The following MYO5B variants were observed in gnomAD, a reference collection of about 807,000 sequenced individuals.
MYO5B encodes unconventional myosin-Vb.
A neutral mutation model predicts 229.3 loss-of-function variants in MYO5B; 143 were observed. That is an observed-to-expected ratio of 0.62 (90% CI 0.54 to 0.72). The LOEUF (loss-of-function observed/expected upper bound fraction) is 0.72, where lower values mean the gene tolerates loss of function less well. Among genes scored for constraint, MYO5B ranks in the 30% least tolerant of loss-of-function variants. The pLI, the probability that MYO5B is intolerant of heterozygous loss-of-function variation, is 0.00. For synonymous variants in MYO5B, 918 were observed against 885.2 expected (o/e 1.04, Z -0.66); for missense variants, 2,321 against 2,331.0 (o/e 1.00, Z 0.09).
intron 2 of MYO5B, among the ~76,000 whole-genome samples, chr18:50,043,277 TTTATA>T (rs1180899575): frequency 3.0e-5 from 3 of 100,066 alleles, no homozygotes; most frequent in African/African-American, 7.6e-5. Context: ...TATAAATATA[TTTATA>T]TTTATATATT....
chr18:50,052,843 G>T (rs544297281), intron 2 of MYO5B, among the ~76,000 whole-genome samples: 1 of 152,268 alleles, frequency 6.6e-6, no homozygotes, highest in African/African-American at 2.4e-5. Flanking sequence ...TTCAAGAGGG[G>T]ACAAGTTAGC....
intron 1 of MYO5B, chr18:50,097,328 G>A: frequency 6.6e-6 from 3 of 455,144 alleles, no homozygotes; most frequent in South Asian, 1.6e-5. Flanking sequence ...CACAGTGAAG[G>A]CAGACACCCT....
chr18:49,863,156 C>A, intron 29 of MYO5B, 71 bp downstream of exon 29: 1 of 1,220,180 alleles, frequency 8.2e-7, no homozygotes, highest in Non-Finnish European at 1.2e-6. Context: ...GAGGAAAACC[C>A]CAAACAGACT....
intron 1 of MYO5B, among the ~76,000 whole-genome samples, chr18:50,137,871 AT>A (rs1398985787): frequency 6.8e-6 from 1 of 146,938 alleles, no homozygotes; most frequent in Non-Finnish European, 1.5e-5. Flanking sequence ...GGCAAAAAAA[AT>A]GCAGGAACAG....
chr18:49,841,377 G>A lies in MYO5B; in HGVS notation c.4689C>T (p.Tyr1563=), dbSNP rs539906635. The change falls in exon 35 of 40, where the codon TAC becomes TAT. Residue 1563 remains tyrosine (Y), a synonymous_variant. Coordinates refer to ENST00000285039, the MANE Select transcript of MYO5B (RefSeq NM_001080467.3). The stretch of plus-strand genomic sequence containing the variant: ...GCTCCCCACTCACCTCATCCCCGCT[G>A]TACTGCTTCAGACAGTGAAGAAGGC... ...TCRLLHCLKQ[Y]SGDEGFMTQN... The A allele has an allele frequency of 1.2e-5, 20 of 1,614,178 alleles. No individual in the cohort carries two copies. The highest frequency in any genetic ancestry group is 3.3e-5 in the Admixed American group (2 of 60,024).
chr18:50,022,563 A>G (rs1434824907), intron 4 of MYO5B, among the ~76,000 whole-genome samples: 4 of 152,224 alleles, frequency 2.6e-5, no homozygotes, highest in Non-Finnish European at 5.9e-5. Flanking sequence ...TCTGACGATC[A>G]AAACAGGATT....
intron 22 of MYO5B, among the ~76,000 whole-genome samples, chr18:49,892,630 T>C (rs978053318): frequency 2.0e-5 from 3 of 152,176 alleles, no homozygotes; most frequent in East Asian, 1.9e-4. Context: ...TTTATTGAAA[T>C]TGACACAGTG....
In MYO5B at chr18:50,036,945, T is replaced by C; in HGVS notation, c.360A>G (p.Gly120=). The C allele has an allele frequency of 6.2e-7, 1 of 1,614,114 alleles. No homozygotes were observed. Among genetic ancestry groups the C allele is most frequent in the East Asian group, 2.2e-5 (1 of 44,888 alleles). Reference sequence around the variant, plus strand: ...CACTGTAGGTATAGATGACATCTTGTCCATAGATTGGCAACTGTTCATAAG... The same window carrying C: ...CACTGTAGGTATAGATGACATCTTGCCCATAGATTGGCAACTGTTCATAAG... The part of the protein sequence containing the change: ...INPYEQLPIY[G]QDVIYTYSGQ... The change falls in exon 4 of 40, where the codon GGA becomes GGG. Residue 120 remains glycine, a synonymous_variant. Transcript: ENST00000285039.
intron 1 of MYO5B, among the ~76,000 whole-genome samples, chr18:50,088,797 A>T (rs1490173740): frequency 1.3e-5 from 2 of 152,186 alleles, no homozygotes; most frequent in African/African-American, 4.8e-5. Context: ...ATTGTTTTGC[A>T]TATCTATCTT....
intron 10 of MYO5B, among the ~76,000 whole-genome samples, chr18:49,966,315 G>A (rs2025625065): frequency 6.6e-6 from 1 of 152,136 alleles, no homozygotes. Context: ...ATTCTAGGTT[G>A]AAAAAACAAG....
chr18:49,870,473 A>G (rs1232413930), intron 27 of MYO5B, among the ~76,000 whole-genome samples: 1 of 152,240 alleles, frequency 6.6e-6, no homozygotes, highest in Non-Finnish European at 1.5e-5. Flanking sequence ...ACCAAAAGAC[A>G]CTATCAGAAT....
chr18:49,888,877 C>T (rs562228881), intron 22 of MYO5B, among the ~76,000 whole-genome samples: 106 of 152,352 alleles, frequency 7.0e-4, no homozygotes, highest in African/African-American at 2.4e-3. Context: ...GGGTTGCCCC[C>T]ACGCTTGGTG....
intron 2 of MYO5B, among the ~76,000 whole-genome samples, chr18:50,054,032 T>C (rs2030476108): frequency 6.6e-6 from 1 of 152,224 alleles, no homozygotes; most frequent in African/African-American, 2.4e-5. Flanking sequence ...CTGCATGAAC[T>C]ACCTCTGCCT....
At chr18:50,186,408 T>C (rs2033149918) in intron 1 of MYO5B, among the ~76,000 whole-genome samples, 2 of 152,250 alleles carry the variant, frequency 1.3e-5, no homozygotes, top group Non-Finnish European at 1.5e-5. Context: ...TTAATTTTCC[T>C]TTAAAGCTAT....
chr18:50,194,498 G>A (rs2033271907), intron 1 of MYO5B, among the ~76,000 whole-genome samples: 1 of 152,214 alleles, frequency 6.6e-6, no homozygotes, highest in Non-Finnish European at 1.5e-5. Context: ...CGGGGAGGGG[G>A]CGACAGCCCT....
At chr18:49,900,597 T>C (rs984095669) in intron 21 of MYO5B, among the ~76,000 whole-genome samples, 1 of 152,220 alleles carries the variant, frequency 6.6e-6, no homozygotes, top group Non-Finnish European at 1.5e-5. Flanking sequence ...AAAATGCTTT[T>C]TTCCTGCCCT....
At chr18:50,082,700 G>A (rs1453451378) in intron 1 of MYO5B, among the ~76,000 whole-genome samples, 1 of 152,122 alleles carries the variant, frequency 6.6e-6, no homozygotes, top group Non-Finnish European at 1.5e-5. Context: ...AAGACCATTA[G>A]ACAACGCATG....
At chr18:49,923,010 A>G (rs568273750) in intron 17 of MYO5B, among the ~76,000 whole-genome samples, 1 of 152,308 alleles carries the variant, frequency 6.6e-6, no homozygotes. Context: ...GCTGCTAAAA[A>G]TGAGGTTGCC....
At chr18:49,997,369 C>CTTTTTTTTTTTTTTTTTT (rs34011258) in intron 5 of MYO5B, among the ~76,000 whole-genome samples, 1 of 60,348 alleles carries the variant, frequency 1.7e-5, no homozygotes, top group African/African-American at 7.1e-5. Context: ...TCCTTTCTTT[C>CTTTTTTTTTTTTTTTTTT]TTTTTTTTTT....
Sources: gnomAD v4.1 joint callset for allele counts (sites outside exome capture counted in the v4.1 genomes callset) on GRCh38, gnomAD v4.1.1 for gene constraint, MANE v1.5 for transcripts, NCBI Gene and HGNC (gene_info 2026-07-23, HGNC 2026-07-21) for gene names.